ZFHX4: variants seen among roughly 807,000 people sequenced by gnomAD.
ZFHX4 encodes zinc finger homeobox 4.
A neutral mutation model predicts 267.6 loss-of-function variants in ZFHX4; 56 were observed. That is an observed-to-expected ratio of 0.21 (90% confidence interval 0.17 to 0.26). The LOEUF (loss-of-function observed/expected upper bound fraction) is 0.26, where lower values mean the gene tolerates loss of function less well. ZFHX4 is among the 10% of genes least tolerant of loss of function. ZFHX4 has a pLI of 1.00. For missense variants in ZFHX4, 4,332 were observed against 4,420.0 expected (o/e 0.98, Z 0.56); for synonymous variants, 1,778 against 1,665.6 (o/e 1.07, Z -1.64).
chr8:76,707,283 G>T (rs1462130635), intron 2 of ZFHX4, among the ~76,000 whole-genome samples: 2 of 152,132 alleles, frequency 1.3e-5, no homozygotes, highest in African/African-American at 2.4e-5. Flanking sequence ...TTTTGTTATG[G>T]TATTGATCAA....
chr8:76,842,832 T>C, intron 6 of ZFHX4, 61 bp downstream of exon 6: 2 of 1,201,710 alleles, frequency 1.7e-6, no homozygotes, highest in South Asian at 1.4e-5. Flanking sequence ...CCATCAACTC[T>C]TCCTTCACCA....
intron 3 of ZFHX4, among the ~76,000 whole-genome samples, chr8:76,769,997 G>A (rs1185066662): frequency 6.6e-6 from 1 of 152,130 alleles, no homozygotes; most frequent in African/African-American, 2.4e-5. Flanking sequence ...AGCTCTGTGA[G>A]TTGGTGCCTG....
In ZFHX4 at chr8:76,706,535, C is replaced by T. The variant is rs776758893; in HGVS notation, c.2447C>T (p.Ala816Val). Residue 816 changes from alanine to valine, a missense_variant, in exon 2 of 11, where the codon GCG becomes GTG. Ala to Val is a moderately conservative substitution (Grantham distance 64). Around this residue, in one of 7 missense-constraint regions of ZFHX4, gnomAD observed 1,195 missense variants for 1,173.6 expected, o/e 1.02. Coordinates refer to ENST00000651372, the MANE Select transcript of ZFHX4 (RefSeq NM_024721.5). ...QHNLHLGLAPAEAELYQYYLA... is the reference protein window; with the variant it reads ...QHNLHLGLAPVEAELYQYYLA... ...AATCTGCACTTGGGCCTCGCCCCGG[C>T]GGAAGCAGAGCTTTATCAGTACTAC... The T allele has an allele frequency of 3.1e-6, 5 of 1,613,160 alleles. No homozygotes were observed. The highest frequency in any genetic ancestry group is 1.3e-5 in the African/African-American group (1 of 74,942).
chr8:76,734,794 T>A (rs1809114411), intron 3 of ZFHX4, among the ~76,000 whole-genome samples: 1 of 152,186 alleles, frequency 6.6e-6, no homozygotes, highest in Admixed American at 6.6e-5. Flanking sequence ...CATCACACTG[T>A]GTAGTCTTTG....
chr8:76,743,929 T>C (rs1330960460), intron 3 of ZFHX4, among the ~76,000 whole-genome samples: 3 of 152,200 alleles, frequency 2.0e-5, no homozygotes, highest in Non-Finnish European at 4.4e-5. Context: ...AGAAAGAGTT[T>C]GGCCTATTTT....
intron 4 of ZFHX4, among the ~76,000 whole-genome samples, chr8:76,800,042 G>T (rs142553651): frequency 6.6e-6 from 1 of 152,012 alleles, no homozygotes; most frequent in Non-Finnish European, 1.5e-5. Flanking sequence ...CAGAAAGCGC[G>T]TGTGTCAGAA....
chr8:76,733,759 A>C (rs530934212), intron 3 of ZFHX4, among the ~76,000 whole-genome samples: 2 of 152,136 alleles, frequency 1.3e-5, no homozygotes, highest in Non-Finnish European at 2.9e-5. Flanking sequence ...TTTTAGTATC[A>C]TGGTCCCCAA....
Position 76,855,239 on chromosome 8 carries a change from T to C in ZFHX4, c.8318T>C (p.Phe2773Ser). The C allele has an allele frequency of 6.2e-7, 1 of 1,612,246 alleles. No individual in the cohort carries two copies. Residue 2773 changes from phenylalanine to serine, a missense_variant, in exon 10 of 11, where the codon TTT becomes TCT. By Grantham distance (155) the Phe-to-Ser change is radical (BLOSUM62 -2). Coordinates refer to ENST00000651372, the MANE Select transcript of ZFHX4 (RefSeq NM_024721.5). ...SPKNLLSPSS[F>S]KAECSEDVEN... ...AAGAATCTTTTAAGCCCTTCTTCTT[T>C]TAAAGCAGAGTGTTCTGAGGATGTA... is the stretch of plus-strand genomic sequence containing the variant.
chr8:76,739,585 T>C (rs191965944), intron 3 of ZFHX4, among the ~76,000 whole-genome samples: 8 of 152,164 alleles, frequency 5.3e-5, no homozygotes, highest in African/African-American at 1.9e-4. Flanking sequence ...TCATAAGAGA[T>C]AGTTGTTTAA....
intron 3 of ZFHX4, among the ~76,000 whole-genome samples, chr8:76,716,644 C>A (rs1354952588): frequency 6.6e-6 from 1 of 152,058 alleles, no homozygotes; most frequent in Admixed American, 6.6e-5. Context: ...TTCAAGCAAG[C>A]AGATTTTCTT....
At chr8:76,838,867 C>A (rs115308656) in intron 5 of ZFHX4, among the ~76,000 whole-genome samples, 1,553 of 152,042 alleles carry the variant, frequency 0.01, 21 homozygotes, top group African/African-American at 0.026. Context: ...CCAGCCTGGC[C>A]AACATGAGGA....
Position 76,705,084 on chromosome 8 carries a change from T to A in ZFHX4, c.996T>A (p.Leu332=), listed in dbSNP as rs1428611675. The change falls in exon 2 of 11, where the codon CTT becomes CTA. Residue 332 remains leucine (L), a synonymous_variant. Transcript: ENST00000651372. ...IQGIGKDKEP[L]ISFLEPKKST... ...GGATTGGCAAAGACAAAGAACCTCTTATAAGCTTTCTGGAACCAAAAAAAT... is the reference window on the plus strand; with the variant it reads ...GGATTGGCAAAGACAAAGAACCTCTAATAAGCTTTCTGGAACCAAAAAAAT... 6.2e-7 allele frequency: 1 copy of A among 1,613,912 alleles called. No individual in the cohort carries two copies. The highest frequency in any genetic ancestry group is 8.5e-7 in the Non-Finnish European group (1 of 1,179,868).
At chr8:76,707,171 A>G (rs1239877489) in intron 2 of ZFHX4, among the ~76,000 whole-genome samples, 1 of 152,222 alleles carries the variant, frequency 6.6e-6, no homozygotes, top group African/African-American at 2.4e-5. Flanking sequence ...AGGCACGCAT[A>G]CAATATTAGC....
intron 6 of ZFHX4, among the ~76,000 whole-genome samples, chr8:76,846,588 A>T (rs1812370565): frequency 6.6e-6 from 1 of 152,036 alleles, no homozygotes; most frequent in Admixed American, 6.6e-5. Flanking sequence ...AAAAGCAATT[A>T]TATTTTTGAT....
Position 76,711,886 on chromosome 8 carries a change from T to A in ZFHX4, c.3093+3838T>A, listed in dbSNP as rs374221497. On this transcript the variant is annotated intron_variant, in intron 3 of 10. Transcript: ENST00000651372. Reference sequence around the variant, plus strand: ...TATGGCCAAGACTTTTCTGGCCAGCTGATTGGTCTAACCACCATTCAGTGC... The same window carrying A: ...TATGGCCAAGACTTTTCTGGCCAGCAGATTGGTCTAACCACCATTCAGTGC... 2.6e-5 allele frequency among the ~76,000 whole-genome samples: 4 copies of A among 152,334 alleles called. No homozygotes were observed. In the East Asian group the frequency reaches 7.7e-4, roughly 29 times the overall value.
In ZFHX4 at chr8:76,704,476, G is replaced by A; in HGVS notation, c.388G>A (p.Glu130Lys). 1 of 1,613,978 alleles carries A rather than the reference G, an allele frequency of 6.2e-7. No homozygotes were observed. Among genetic ancestry groups the A allele is most frequent in the Non-Finnish European group, 8.5e-7 (1 of 1,179,892 alleles). The change falls in exon 2 of 11, where the codon GAG (glutamate) becomes AAG (lysine). Residue 130 changes from glutamate (E) to lysine (K), a missense_variant. This residue lies in a region of ZFHX4 where 1,195 missense variants were observed against 1,173.6 expected (regional missense o/e 1.02). Transcript: ENST00000651372. The part of the protein sequence containing the change: ...EDSDVENLTG[E>K]IVYQPDGSAY... ...CAGTGACGTGGAAAATCTAACAGGG[G>A]AGATCGTTTACCAGCCTGATGGGTC...
chr8:76,790,878 C>G (rs1455846257), intron 4 of ZFHX4, among the ~76,000 whole-genome samples: 1 of 152,110 alleles, frequency 6.6e-6, no homozygotes, highest in East Asian at 1.9e-4. Context: ...TCCAGCCTTG[C>G]ATGAGCACTG....
At position 76,704,130 on chromosome 8, in the gene ZFHX4, TGG is replaced by T; in HGVS notation, c.44_45del (p.Gly15AlafsTer13). On this transcript the variant is annotated frameshift_variant, in exon 2 of 11. Transcript: ENST00000651372. LOFTEE classifies it high-confidence loss of function. ...DSPPISRQENGQSTSKLCGTT... is the reference protein window; with the variant it reads ...DSPPISRQENXQSTSKLCGTT... ...CCCCTCCTATCTCAAGGCAGGAAAA[TGG>T]GCAGAGCACATCAAAGCTATGTGGA... 6.2e-7 allele frequency: 1 copy of T among 1,613,098 alleles called. No homozygotes were observed. The highest frequency in any genetic ancestry group is 8.5e-7 in the Non-Finnish European group (1 of 1,179,540).
At chr8:76,688,157 T>G (rs912181745) in intron 1 of ZFHX4, among the ~76,000 whole-genome samples, 12 of 152,164 alleles carry the variant, frequency 7.9e-5, no homozygotes, top group African/African-American at 2.7e-4. Context: ...TATTGACTAT[T>G]GGGTATCAGG....
Sources: gnomAD v4.1 joint callset for allele counts (sites outside exome capture counted in the v4.1 genomes callset) on GRCh38, gnomAD v4.1.1 for gene constraint, gnomAD v4.1.1 regional missense constraint, MANE v1.5 for transcripts, NCBI Gene and HGNC (gene_info 2026-07-23, HGNC 2026-07-21) for gene names.